The following HDAC9 variants were observed in gnomAD, a reference collection of about 807,000 sequenced individuals.
HDAC9 encodes the protein histone deacetylase 9.
HDAC9 carries 41 observed loss-of-function variants against 139.4 expected under a neutral mutation model. That is an observed-to-expected ratio of 0.29 (90% confidence interval 0.23 to 0.38). HDAC9 has a LOEUF of 0.38. HDAC9 is among the 10% of genes least tolerant of loss of function. HDAC9 has a pLI of 1.00. For missense variants in HDAC9, 1,147 were observed against 1,297.0 expected (o/e 0.88, Z 1.78); for synonymous variants, 517 against 476.2 (o/e 1.09, Z -1.12).
chr7:18,614,131 T>A (rs1486728144), intron 6 of HDAC9, among the ~76,000 whole-genome samples: 2 of 152,166 alleles, frequency 1.3e-5, no homozygotes, highest in Non-Finnish European at 2.9e-5. Context: ...ATAAAATGAA[T>A]AGGTTGATCA....
intron 12 of HDAC9, among the ~76,000 whole-genome samples, chr7:18,670,770 TTC>T (rs1215290138): frequency 1.3e-5 from 2 of 151,940 alleles, no homozygotes; most frequent in East Asian, 1.9e-4. Context: ...ATTCAGTTGT[TTC>T]TCTCTCTCTC....
At position 18,262,169 on chromosome 7, in the gene HDAC9, G is replaced by A. The variant is rs1795723691; in HGVS notation, c.25+99820G>A. On this transcript the variant is annotated intron_variant, in intron 2 of 12. Coordinates refer to the HDAC9 transcript ENST00000417496. ...AAGGGCTATAGTAACCCAAAGCAAA[G>A]TTTACATATTTAAACATAGGGGAGT... Among the ~76,000 whole-genome samples, 8 of 152,164 alleles carry A rather than the reference G, an allele frequency of 5.3e-5. No homozygotes were observed. In the South Asian group the frequency reaches 1.7e-3, roughly 31 times the overall value.
chr7:18,940,660 T>C (rs941769286), intron 23 of HDAC9, among the ~76,000 whole-genome samples: 3 of 152,170 alleles, frequency 2.0e-5, no homozygotes, highest in African/African-American at 7.2e-5. Flanking sequence ...GAAACATCTG[T>C]GAGGTTCCCA....
chr7:18,919,834 C>G (rs1248434015), intron 22 of HDAC9, among the ~76,000 whole-genome samples: 2 of 152,116 alleles, frequency 1.3e-5, no homozygotes, highest in South Asian at 2.1e-4. Context: ...GTCAAAGGCT[C>G]TCTTCTGTTC....
chr7:18,863,903 T>A (rs1563001067), intron 21 of HDAC9, among the ~76,000 whole-genome samples: 1 of 152,212 alleles, frequency 6.6e-6, no homozygotes, highest in Non-Finnish European at 1.5e-5. Context: ...GAAATCTCCA[T>A]GGCCACTGTG....
intron 21 of HDAC9, among the ~76,000 whole-genome samples, chr7:18,845,525 C>T (rs897007964): frequency 1.3e-5 from 2 of 152,188 alleles, no homozygotes; most frequent in African/African-American, 4.8e-5. Flanking sequence ...ACGAGGTTGC[C>T]TCCTGGTGCT....
chr7:18,941,026 G>C (rs937211530), intron 23 of HDAC9, among the ~76,000 whole-genome samples: 2 of 152,032 alleles, frequency 1.3e-5, no homozygotes, highest in Non-Finnish European at 2.9e-5. Context: ...ATTGTCATAG[G>C]TCTGGAAGCT....
At chr7:18,370,193 A>T (rs1784489739) in intron 1 of HDAC9, among the ~76,000 whole-genome samples, 1 of 152,150 alleles carries the variant, frequency 6.6e-6, no homozygotes, top group Non-Finnish European at 1.5e-5. Context: ...CAACTGGGTT[A>T]CCTTCTCCCT....
chr7:18,844,195 T>G (rs1216695474), intron 21 of HDAC9, among the ~76,000 whole-genome samples: 1 of 152,200 alleles, frequency 6.6e-6, no homozygotes, highest in Non-Finnish European at 1.5e-5. Flanking sequence ...CCATCTTTCT[T>G]GTGGGCACTG....
At chr7:18,456,459 C>T (rs1228606333) in intron 1 of HDAC9, among the ~76,000 whole-genome samples, 6 of 152,114 alleles carry the variant, frequency 3.9e-5, no homozygotes, top group East Asian at 1.9e-4. Flanking sequence ...TGATCTCGAA[C>T]TCTTGACCTC....
intron 22 of HDAC9, among the ~76,000 whole-genome samples, chr7:18,932,823 AGAAG>A (rs1299694381): frequency 1.7e-4 from 22 of 130,882 alleles, no homozygotes; most frequent in East Asian, 6.2e-4. Flanking sequence ...ATAGAAAGAA[AGAAG>A]GAAGGAAGGA....
At chr7:18,512,044 A>T (rs751963361) in intron 2 of HDAC9, among the ~76,000 whole-genome samples, 1 of 151,270 alleles carries the variant, frequency 6.6e-6, no homozygotes, top group African/African-American at 2.4e-5. Context: ...AAATCTTCTC[A>T]TTAGATGTAG....
chr7:18,674,517 G>A, intron 12 of HDAC9, among the ~76,000 whole-genome samples: 1 of 151,904 alleles, frequency 6.6e-6, no homozygotes, highest in East Asian at 1.9e-4. Flanking sequence ...ATCATTATCT[G>A]TGTGGCATTA....
At chr7:18,866,300 ATTTG>A (rs1195930820) in intron 21 of HDAC9, among the ~76,000 whole-genome samples, 1 of 151,798 alleles carries the variant, frequency 6.6e-6, no homozygotes, top group Non-Finnish European at 1.5e-5. Flanking sequence ...TTTCTGTACA[ATTTG>A]TTTTTCACCT....
intron 1 of HDAC9, among the ~76,000 whole-genome samples, chr7:18,102,869 A>G (rs1402442913): frequency 3.3e-5 from 5 of 152,228 alleles, no homozygotes. Flanking sequence ...TGTGGGAATA[A>G]TGGTTGCCTA....
At chr7:18,424,720 C>A (rs567965402) in intron 1 of HDAC9, among the ~76,000 whole-genome samples, 1 of 152,210 alleles carries the variant, frequency 6.6e-6, no homozygotes, top group African/African-American at 2.4e-5. Context: ...GCCAGCCAGG[C>A]CAACCTGGTG....
intron 2 of HDAC9, among the ~76,000 whole-genome samples, chr7:18,530,134 TA>T (rs367850725): frequency 1.3e-5 from 2 of 150,688 alleles, no homozygotes; most frequent in African/African-American, 2.4e-5. Flanking sequence ...GAAATAAAAA[TA>T]AAAAAAATAA....
At chr7:18,149,070 A>G (rs1488513036) in intron 1 of HDAC9, among the ~76,000 whole-genome samples, 1 of 152,102 alleles carries the variant, frequency 6.6e-6, no homozygotes, top group Non-Finnish European at 1.5e-5. Context: ...GAAAATTTTA[A>G]CTGTTCCATA....
intron 1 of HDAC9, among the ~76,000 whole-genome samples, chr7:18,319,896 A>G (rs1054099831): frequency 1.3e-5 from 2 of 151,952 alleles, no homozygotes; most frequent in Non-Finnish European, 2.9e-5. Flanking sequence ...TGAGTGAGAA[A>G]AGTAATTTTC....
Sources: allele counts gnomAD v4.1 joint callset (sites outside exome capture counted in the v4.1 genomes callset), GRCh38; gene constraint gnomAD v4.1.1; transcripts MANE v1.5; gene names NCBI Gene and HGNC (gene_info 2026-07-23, HGNC 2026-07-21).